The following SEPTIN8 variants were observed in gnomAD, a reference collection of about 807,000 sequenced individuals.
The protein encoded by SEPTIN8 is septin 8.
In SEPTIN8, 22 loss-of-function variants were observed where a neutral mutation model predicts 53.1. The observed-to-expected ratio is 0.41, with a 90% CI of 0.30 to 0.59. SEPTIN8 has a LOEUF of 0.59. SEPTIN8 is among the 20% of genes least tolerant of loss of function. The pLI is 0.24. For synonymous variants in SEPTIN8, 228 were observed against 248.4 expected (o/e 0.92, Z 0.77); for missense variants, 536 against 638.7 (o/e 0.84, Z 1.73).
intron 9 of SEPTIN8, chr5:132,758,149 T>A: frequency 9.6e-7 from 1 of 1,037,542 alleles, no homozygotes; most frequent in South Asian, 4.1e-5. Flanking sequence ...ACACTGTCAT[T>A]ACAGGAAGTT....
chr5:132,777,430 C>T, upstream of SEPTIN8: 5 of 997,004 alleles, frequency 5.0e-6, no homozygotes, highest in Non-Finnish European at 4.8e-6. The surrounding 1 kb of genome is among the most constrained non-coding windows in gnomAD (Gnocchi z 4.1). Flanking sequence ...GCGGGGACTG[C>T]TGGGACTTGT....
Position 132,777,077 on chromosome 5 carries a change from C to T in SEPTIN8, c.30+31G>A. 2 of 1,150,392 alleles carry T rather than the reference C, an allele frequency of 1.7e-6. No individual in the cohort carries two copies. Among genetic ancestry groups the T allele is most frequent in the South Asian group, 4.2e-5 (1 of 23,558 alleles). 71.3% of individuals were successfully genotyped at this position (1,150,392 alleles called of 1,614,324 possible). On this transcript the variant is annotated intron_variant, in intron 1 of 9. Transcript: ENST00000378719. This position sits in a 1 kb window ranked among gnomAD's most constrained non-coding sequence, Gnocchi z 4.1. ...GGCCCCTCCTGCGCCCCGCGCCTCC[C>T]GCGCGCGCCGTGGCCCAGCGGGGCC... is the stretch of plus-strand genomic sequence containing the variant.
chr5:132,751,993 C>A lies in SEPTIN8; in HGVS notation c.*23G>T, dbSNP rs115692489. The A allele has an allele frequency of 3.7e-6, 6 of 1,611,832 alleles. No individual in the cohort carries two copies. The East Asian group carries it at 1.3e-4, about 36-fold the overall frequency. ...CCATGCCCTGGTGGTCCTGAGCTGG[C>A]CCCATGTGTTGGAGCTGCTGCCTCA... is the stretch of plus-strand genomic sequence containing the variant. On this transcript the variant is annotated 3_prime_UTR_variant, in exon 10 of 10. Transcript: ENST00000378719.
chr5:132,756,297 G>C (rs1431996648), intron 9 of SEPTIN8: 1 of 984,360 alleles, frequency 1.0e-6, no homozygotes, highest in Admixed American at 6.2e-5. Context: ...ACATCGGCCT[G>C]GGACAGGTCT....
At chr5:132,765,152 G>A (rs1252256765) in intron 2 of SEPTIN8, among the ~76,000 whole-genome samples, 1 of 152,010 alleles carries the variant, frequency 6.6e-6, no homozygotes, top group African/African-American at 2.4e-5. Context: ...CTAAATCTCT[G>A]TGATAAACAC....
chr5:132,761,353 G>A lies in SEPTIN8; in HGVS notation c.963-88C>T. Reference sequence around the variant, plus strand: ...CAGAGCCAGAGAAGTAGAATCATGTGGGCACGAGGGGTAAGAGGATGTGGG... The same window carrying A: ...CAGAGCCAGAGAAGTAGAATCATGTAGGCACGAGGGGTAAGAGGATGTGGG... On this transcript the variant is annotated intron_variant, in intron 7 of 9. Transcript: ENST00000378719. This position sits in a 1 kb window ranked among gnomAD's most constrained non-coding sequence, Gnocchi z 5.8. 1 of 1,593,468 alleles carries A rather than the reference G, an allele frequency of 6.3e-7. No homozygotes were observed. Among genetic ancestry groups the A allele is most frequent in the Non-Finnish European group, 8.5e-7 (1 of 1,172,426 alleles).
intron 1 of SEPTIN8, among the ~76,000 whole-genome samples, chr5:132,769,695 T>C (rs1756973618): frequency 6.6e-6 from 1 of 151,932 alleles, no homozygotes; most frequent in Non-Finnish European, 1.5e-5. Flanking sequence ...AAGACCACAC[T>C]GCTCAGGAGA....
rs1475650987 is a variant in SEPTIN8 at position 132,776,053 on chromosome 5, G to A, written c.30+1055C>T. 2.6e-5 allele frequency: 4 copies of A among 152,396 alleles called. No individual in the cohort carries two copies. Among genetic ancestry groups the A allele is most frequent in the Admixed American group, 6.5e-5 (1 of 15,294 alleles). 9.4% of individuals were successfully genotyped at this position (152,396 alleles called of 1,614,324 possible). A position where few individuals can be genotyped will look rare whatever the true frequency, so the allele number is the denominator to read the frequency against. On this transcript the variant is annotated intron_variant, in intron 1 of 9. Coordinates refer to ENST00000378719, the MANE Select transcript of SEPTIN8 (RefSeq NM_001098811.2). This position sits in a 1 kb window ranked among gnomAD's most constrained non-coding sequence, Gnocchi z 4.4. ...ATAAATTGGGATGACGGTATTTATA[G>A]CATTAATTACATAAGTCCTGGCTCC...
intron 1 of SEPTIN8, among the ~76,000 whole-genome samples, chr5:132,774,457 G>C (rs1214385331): frequency 6.6e-6 from 1 of 152,170 alleles, no homozygotes; most frequent in Non-Finnish European, 1.5e-5. Context: ...CAGCAAGAGT[G>C]GACAGGAATC....
At position 132,760,834 on chromosome 5, in the gene SEPTIN8, C is replaced by T. The variant is rs781379115; in HGVS notation, c.1254G>A (p.Gln418=). The T allele has an allele frequency of 3.1e-6, 5 of 1,613,900 alleles. No homozygotes were observed. Among genetic ancestry groups the T allele is most frequent in the East Asian group, 2.2e-5 (1 of 44,872 alleles). The part of the protein sequence containing the change: ...LQSQALHATS[Q]QPLRKDKDKK... Reference sequence around the variant, plus strand: ...TGTCCTTGTCCTTCCTCAGGGGCTGCTGCGAGGTGGCGTGCAAGGCCTGCG... The same window carrying T: ...TGTCCTTGTCCTTCCTCAGGGGCTGTTGCGAGGTGGCGTGCAAGGCCTGCG... Residue 418 remains glutamine (Q), a synonymous_variant, in exon 9 of 10, where the codon CAG becomes CAA. Transcript: ENST00000378719. This position sits in a 1 kb window ranked among gnomAD's most constrained non-coding sequence, Gnocchi z 5.2.
Position 132,760,399 on chromosome 5 carries a change from C to T in SEPTIN8, c.1286+403G>A, listed in dbSNP as rs1012222684. Among the ~76,000 whole-genome samples the T allele has an allele frequency of 2.6e-5, 4 of 152,168 alleles. No individual in the cohort carries two copies. The highest frequency in any genetic ancestry group is 6.5e-5 in the Admixed American group (1 of 15,280). On this transcript the variant is annotated intron_variant, in intron 9 of 9. Transcript: ENST00000378719. This position sits in a 1 kb window ranked among gnomAD's most constrained non-coding sequence, Gnocchi z 5.2. ...GCTTCGCCCTCTCCACGCTGCTCCT[C>T]ACCCGTGCAGCCCCACCTTCACCAC...
rs907256688 is a variant in SEPTIN8, at chr5:132,760,602, C to T, written c.1286+200G>A. Among the ~76,000 whole-genome samples, 3 of 150,118 alleles carry T rather than the reference C, an allele frequency of 2.0e-5. No homozygotes were observed. Among genetic ancestry groups the T allele is most frequent in the East Asian group, 2.0e-4 (1 of 5,016 alleles). ...TGCATGAGTATCAGAGCAATCCAGA[C>T]GGCGAGACACTGGATCACTAGTGAA... On this transcript the variant is annotated intron_variant, in intron 9 of 9. Transcript: ENST00000378719. The surrounding 1 kb of genome is among the most constrained non-coding windows in gnomAD (Gnocchi z 5.2).
Position 132,756,080 on chromosome 5 carries a change from A to G in SEPTIN8, c.1287-3899T>C, listed in dbSNP as rs1289429625. ...AAGAACAAAAACAGTCAATGAATGCAGGAGTAAATGAATTAACACGTGAAG... is the reference window on the plus strand; with the variant it reads ...AAGAACAAAAACAGTCAATGAATGCGGGAGTAAATGAATTAACACGTGAAG... On this transcript the variant is annotated intron_variant, in intron 9 of 9. Transcript: ENST00000378719. The G allele has an allele frequency of 4.1e-6, 4 of 985,468 alleles. No individual in the cohort carries two copies. In the East Asian group the frequency reaches 3.4e-4, roughly 84 times the overall value. The allele number at this position is 985,468 out of a possible 1,614,324, so 61.0% of individuals were successfully genotyped here.
Position 132,760,513 on chromosome 5 carries a change from G to C in SEPTIN8, c.1286+289C>G, listed in dbSNP as rs905737251. ...GGAGGAAGAGGAAGAAGGGGGAAGAGAAGGAGAGAAAAAGGGAGAAGGGAG... is the reference window on the plus strand; with the variant it reads ...GGAGGAAGAGGAAGAAGGGGGAAGACAAGGAGAGAAAAAGGGAGAAGGGAG... On this transcript the variant is annotated intron_variant, in intron 9 of 9. Transcript: ENST00000378719. The surrounding 1 kb of genome is among the most constrained non-coding windows in gnomAD (Gnocchi z 5.2). Among the ~76,000 whole-genome samples the C allele has an allele frequency of 1.3e-5, 2 of 152,154 alleles. No homozygotes were observed. The highest frequency in any genetic ancestry group is 2.9e-5 in the Non-Finnish European group (2 of 68,028).
Position 132,752,031 on chromosome 5 carries a change from C to T in SEPTIN8, c.1437G>A (p.Arg479=). ...CSCLVRDATW[R]EGFL ...AGCTGCTGCCTCAGAGGAATCCTTC[C>T]CTCCACGTCGCATCCCTGACCAGGC... Residue 479 remains arginine (R), a synonymous_variant, in exon 10 of 10, where the codon AGG becomes AGA. Transcript: ENST00000378719. 6.2e-7 allele frequency: 1 copy of T among 1,611,944 alleles called. No homozygotes were observed. Among genetic ancestry groups the T allele is most frequent in the East Asian group, 2.2e-5 (1 of 44,848 alleles).
At position 132,762,615 on chromosome 5, in the gene SEPTIN8, C is replaced by T; in HGVS notation, c.565G>A (p.Asp189Asn). 1 of 1,614,224 alleles carries T rather than the reference C, an allele frequency of 6.2e-7. No homozygotes were observed. Among genetic ancestry groups the T allele is most frequent in the Non-Finnish European group, 8.5e-7 (1 of 1,180,044 alleles). ...TGGAGCTCGCTCTTGGAGATGGTGT[C>T]AGCCTTGGCGATGATGGGAATAATG... ...VNIIPIIAKA[D>N]TISKSELHKF... Residue 189 changes from aspartate (D) to asparagine (N), a missense_variant, in exon 5 of 10, where the codon GAC becomes AAC. This residue lies in a region of SEPTIN8 where 395 missense variants were observed against 451.8 expected (regional missense o/e 0.87). Coordinates refer to ENST00000378719, the MANE Select transcript of SEPTIN8 (RefSeq NM_001098811.2).
intron 9 of SEPTIN8, chr5:132,758,186 T>A (rs1158350825): frequency 7.1e-6 from 8 of 1,119,114 alleles, no homozygotes; most frequent in Non-Finnish European, 7.7e-6. Context: ...CTGTATATGA[T>A]AGGCATACTT....
Position 132,761,366 on chromosome 5 carries a change from A to C in SEPTIN8, c.962+92T>G, listed in dbSNP as rs1223000850. On this transcript the variant is annotated intron_variant, in intron 7 of 9. Coordinates refer to ENST00000378719, the MANE Select transcript of SEPTIN8 (RefSeq NM_001098811.2). The surrounding 1 kb of genome is among the most constrained non-coding windows in gnomAD (Gnocchi z 5.8). ...GTAGAATCATGTGGGCACGAGGGGT[A>C]AGAGGATGTGGGGTCCCTCAGGGAA... 5 of 1,589,838 alleles carry C rather than the reference A, an allele frequency of 3.1e-6. No homozygotes were observed. Among genetic ancestry groups the C allele is most frequent in the Non-Finnish European group, 4.3e-6 (5 of 1,170,556 alleles).
rs1490322828 is a variant in SEPTIN8, at chr5:132,752,035, C to T, written c.1433G>A (p.Trp478Ter). Residue 478 changes from tryptophan (W) to a stop codon, truncating the protein, a stop_gained, in exon 10 of 10, where the codon TGG (tryptophan) becomes TAG (stop). Transcript: ENST00000378719. LOFTEE classifies it high-confidence loss of function. ...CCSCLVRDAT[W>*]REGFL ...GCTGCCTCAGAGGAATCCTTCCCTC[C>T]ACGTCGCATCCCTGACCAGGCAGCT... The T allele has an allele frequency of 6.2e-7, 1 of 1,611,584 alleles. No homozygotes were observed. Among genetic ancestry groups the T allele is most frequent in the Non-Finnish European group, 8.5e-7 (1 of 1,179,042 alleles).
Sources: gnomAD v4.1 joint callset for allele counts (sites outside exome capture counted in the v4.1 genomes callset) on GRCh38, gnomAD v4.1.1 for gene constraint, gnomAD v4.1.1 regional missense constraint, Gnocchi (gnomAD v3.1) non-coding constraint, MANE v1.5 for transcripts, NCBI Gene and HGNC (gene_info 2026-07-23, HGNC 2026-07-21) for gene names.